The following RBM28 variants were observed in gnomAD, a reference collection of about 807,000 sequenced individuals.
RBM28 encodes RNA binding motif protein 28, also known as RNA-binding protein 28.
RBM28 carries 78 observed loss-of-function variants against 98.3 expected under a neutral mutation model. The ratio of observed to expected loss-of-function variants is 0.79; its 90% confidence interval spans 0.66 to 0.96. RBM28 has a LOEUF of 0.96. Ranked by LOEUF, RBM28 falls within the 40% of genes least tolerant of loss-of-function variation. The pLI is 0.00. For synonymous variants in RBM28, 306 were observed against 330.9 expected (o/e 0.92, Z 0.82); for missense variants, 838 against 913.0 (o/e 0.92, Z 1.06).
In RBM28 at chr7:128,318,113, G is replaced by C; in HGVS notation, c.1564-7C>G. On this transcript the variant is annotated splice_polypyrimidine_tract_variant and splice_region_variant and intron_variant, in intron 14 of 18. Coordinates refer to ENST00000223073, the MANE Select transcript of RBM28 (RefSeq NM_018077.3). ...GGTCTCGCATCACTCTACACTATGA[G>C]TAGAGCAAGAAAAAAATCAGTAATT... 2 of 1,608,026 alleles carry C rather than the reference G, an allele frequency of 1.2e-6. No homozygotes were observed. The highest frequency in any genetic ancestry group is 1.7e-6 in the Non-Finnish European group (2 of 1,174,566).
At chr7:128,313,910 C>G (rs116562272) in intron 17 of RBM28, among the ~76,000 whole-genome samples, 3,721 of 152,264 alleles carry the variant, frequency 0.024, 136 homozygotes, top group African/African-American at 0.085. Flanking sequence ...TGAGCAGCTG[C>G]TGTCATGCTT....
At chr7:128,320,745 GCAGA>G (rs1380741617) in intron 14 of RBM28, among the ~76,000 whole-genome samples, 1 of 152,226 alleles carries the variant, frequency 6.6e-6, no homozygotes, top group Non-Finnish European at 1.5e-5. Context: ...ATTAATTCAT[GCAGA>G]CAGAGATTTC....
intron 1 of RBM28, chr7:128,341,251 C>G (rs1457506737): frequency 8.5e-7 from 1 of 1,171,968 alleles, no homozygotes. Flanking sequence ...CAATTTTTCT[C>G]TTCTCTTGAA....
rs76299917 is a variant in RBM28 at position 128,322,804 on chromosome 7, C to A, written c.1404+723G>T. On this transcript the variant is annotated intron_variant, in intron 13 of 18. Transcript: ENST00000223073. ...TTCACTACCACAAAAGTTGAAAACA[C>A]TAGTGCAGAATCTGTGCCCACTGAA... 8.0e-3 allele frequency among the ~76,000 whole-genome samples: 1,220 copies of A among 152,194 alleles called. 10 individuals are homozygous for A. The highest frequency in any genetic ancestry group is 0.028 in the African/African-American group (1,167 of 41,530).
intron 18 of RBM28, among the ~76,000 whole-genome samples, chr7:128,311,727 C>T (rs1235931947): frequency 6.6e-6 from 1 of 151,748 alleles, no homozygotes; most frequent in Non-Finnish European, 1.5e-5. Context: ...AGTATGGCAA[C>T]AGCTCATTAC....
chr7:128,311,270 C>T lies in RBM28; in HGVS notation c.2146-339G>A, dbSNP rs73230634. Among the ~76,000 whole-genome samples the T allele has an allele frequency of 2.7e-3, 413 of 152,214 alleles. 2 individuals are homozygous for T. The highest frequency in any genetic ancestry group is 0.014 in the Middle Eastern group (4 of 294). On this transcript the variant is annotated intron_variant, in intron 18 of 18. Transcript: ENST00000223073. ...TCCGGCCATTCTTGCTTGCCTGTTC[C>T]CTCCCCAAGAACACTGCTCATGGGA...
chr7:128,341,973 G>A (rs1374489455), intron 1 of RBM28, among the ~76,000 whole-genome samples: 6 of 152,132 alleles, frequency 3.9e-5, no homozygotes, highest in South Asian at 4.1e-4. Context: ...CCTGGACAAC[G>A]TAGTGAGACC....
chr7:128,339,161 C>T (rs1796666420), intron 3 of RBM28, 66 bp downstream of exon 3: 6 of 1,336,518 alleles, frequency 4.5e-6, no homozygotes, highest in Non-Finnish European at 6.5e-6. Flanking sequence ...AGGAGTTCTA[C>T]TAATGATCAC....
chr7:128,313,125 G>C lies in RBM28; in HGVS notation c.2145+50C>G, dbSNP rs371812577. ...CTAACCAAGGTACAAACATGGCTAC[G>C]ACCTGGCAGAACCATGCCATACCAA... On this transcript the variant is annotated intron_variant, in intron 18 of 18. Coordinates refer to ENST00000223073, the MANE Select transcript of RBM28 (RefSeq NM_018077.3). The C allele has an allele frequency of 3.2e-6, 5 of 1,555,860 alleles. No homozygotes were observed. In the African/African-American group the frequency reaches 6.8e-5, roughly 21 times the overall value.
In RBM28 at chr7:128,299,072, C is replaced by T. The variant is rs919067606; in HGVS notation, c.*11725G>A. ...TCATCAGGTATGGTAAGATGACAGA[C>T]ACAGAGAAAACTATCTCTGCAAGAA... On this transcript the variant is annotated 3_prime_UTR_variant, in exon 19 of 19. Transcript: ENST00000223073. 9.3e-5 allele frequency: 14 copies of T among 151,130 alleles called. No homozygotes were observed. Among genetic ancestry groups the T allele is most frequent in the African/African-American group, 3.4e-4 (14 of 41,092 alleles). 9.4% of individuals were successfully genotyped at this position (151,130 alleles called of 1,614,324 possible). A position where few individuals can be genotyped will look rare whatever the true frequency, so the allele number is the denominator to read the frequency against.
chr7:128,330,808 A>AC lies in RBM28; in HGVS notation c.1129+10dup. 6.2e-7 allele frequency: 1 copy of AC among 1,600,232 alleles called. No homozygotes were observed. The highest frequency in any genetic ancestry group is 8.6e-7 in the Non-Finnish European group (1 of 1,167,370). ...AACCCTTTTAGGGCCTGGCCAGCTG[A>AC]CAACACATACCTTTAGAATGCTCTG... On this transcript the variant is annotated intron_variant, in intron 10 of 18. Transcript: ENST00000223073.
At chr7:128,320,263 T>G in intron 14 of RBM28, among the ~76,000 whole-genome samples, 2 of 78,454 alleles carry the variant, frequency 2.5e-5, no homozygotes, top group African/African-American at 4.9e-5. Flanking sequence ...TAGCCAGGCA[T>G]GGTGGTGTGT....
chr7:128,323,442 G>C (rs1796279277), intron 13 of RBM28, 85 bp downstream of exon 13: 2 of 1,507,192 alleles, frequency 1.3e-6, no homozygotes, highest in Non-Finnish European at 1.8e-6. Flanking sequence ...TGGGCTCTTT[G>C]ATGAGCACAT....
In RBM28 at chr7:128,308,329, G is replaced by A. The variant is rs764621035; in HGVS notation, c.*2468C>T. 1 of 152,190 alleles carries A rather than the reference G, an allele frequency of 6.6e-6. No homozygotes were observed. The highest frequency in any genetic ancestry group is 2.1e-4 in the South Asian group (1 of 4,838). 9.4% of individuals were successfully genotyped at this position (152,190 alleles called of 1,614,324 possible). On this transcript the variant is annotated 3_prime_UTR_variant, in exon 19 of 19. Transcript: ENST00000223073. ...ACACCAATTTTGATCTATCCTAAGT[G>A]TTAAGATATATTTTTGAATGTTAAA...
chr7:128,343,733 C>T lies in RBM28; in HGVS notation c.61G>A (p.Glu21Lys), dbSNP rs1341009000. The part of the protein sequence containing the change: ...LPPSARSEQL[E>K]ELFSQVGPVK... ...GGCCCCACCTGACTGAACAGTTCCT[C>T]CAGCTGCTCACTGCGGGCCGAGGGC... Residue 21 changes from glutamate (E) to lysine (K), a missense_variant, in exon 1 of 19, where the codon GAG (glutamate) becomes AAG (lysine). Transcript: ENST00000223073. 6.2e-7 allele frequency: 1 copy of T among 1,611,558 alleles called. No individual in the cohort carries two copies. The highest frequency in any genetic ancestry group is 8.5e-7 in the Non-Finnish European group (1 of 1,178,784).
At position 128,297,941 on chromosome 7, in the gene RBM28, A is replaced by G. The variant is rs1795728322; in HGVS notation, c.*12856T>C. 7.1e-6 allele frequency: 1 copy of G among 139,988 alleles called. No individual in the cohort carries two copies. Among genetic ancestry groups the G allele is most frequent in the Admixed American group, 7.6e-5 (1 of 13,138 alleles). The allele number at this position is 139,988 out of a possible 1,614,324, so 8.7% of individuals were successfully genotyped here. A position where few individuals can be genotyped will look rare whatever the true frequency, so the allele number is the denominator to read the frequency against. On this transcript the variant is annotated 3_prime_UTR_variant, in exon 19 of 19. Transcript: ENST00000223073. ...TCATAGGTGGGAATTGAACAATGAG[A>G]ACACATGGACACAGGAAGGGGAACA...
In RBM28 at chr7:128,314,966, G is replaced by C; in HGVS notation, c.1843C>G (p.Pro615Ala). Residue 615 changes from proline to alanine, a missense_variant, in exon 17 of 19, where the codon CCT becomes GCT. Coordinates refer to ENST00000223073, the MANE Select transcript of RBM28 (RefSeq NM_018077.3). ...GCCTTCTGTTGCTGGTCTTTTGCAG[G>C]CTCTGGTTGCCCCTTCTGAGGCTCA... is the stretch of plus-strand genomic sequence containing the variant. ...TGEPQKGQPE[P>A]AKDQQQKAAQ... 1 of 1,614,140 alleles carries C rather than the reference G, an allele frequency of 6.2e-7. No individual in the cohort carries two copies. Among genetic ancestry groups the C allele is most frequent in the Non-Finnish European group, 8.5e-7 (1 of 1,180,040 alleles).
At position 128,338,268 on chromosome 7, in the gene RBM28, T is replaced by C. The variant is rs761322947; in HGVS notation, c.523A>G (p.Asn175Asp). The C allele has an allele frequency of 5.0e-6, 8 of 1,613,918 alleles. No individual in the cohort carries two copies. The highest frequency in any genetic ancestry group is 2.7e-5 in the African/African-American group (2 of 74,942). The change falls in exon 5 of 19, where the codon AAC (asparagine) becomes GAC (aspartate). Residue 175 changes from asparagine (N) to aspartate (D), a missense_variant. Transcript: ENST00000223073. ...LEAGKALKGM[N>D]MKEIKGRTVA... Reference sequence around the variant, plus strand: ...AGCTTACCTTTTATCTCTTTCATGTTCATGCCTTTGAGAGCTTTACCTGCT... The same window carrying C: ...AGCTTACCTTTTATCTCTTTCATGTCCATGCCTTTGAGAGCTTTACCTGCT...
chr7:128,330,922 C>G lies in RBM28; in HGVS notation c.1026G>C (p.Leu342=). The change falls in exon 10 of 19, where the codon CTG becomes CTC. Residue 342 remains leucine, a synonymous_variant. Transcript: ENST00000223073. ...GTTCTTCTTCTTCTGAGTCAAAGGA[C>G]AGATTTCTATGGAAGATAACCAGAT... ...NEGKTVFIRN[L]SFDSEEEELG... The G allele has an allele frequency of 6.2e-7, 1 of 1,610,294 alleles. No homozygotes were observed. The highest frequency in any genetic ancestry group is 8.5e-7 in the Non-Finnish European group (1 of 1,176,560).
Sources: allele counts gnomAD v4.1 joint callset (sites outside exome capture counted in the v4.1 genomes callset), GRCh38; gene constraint gnomAD v4.1.1; transcripts MANE v1.5; gene names NCBI Gene and HGNC (gene_info 2026-07-23, HGNC 2026-07-21).